RUNDC3B: variants seen among roughly 807,000 people sequenced by gnomAD.
The protein encoded by RUNDC3B is RUN domain-containing protein 3B.
RUNDC3B carries 33 observed loss-of-function variants against 58.4 expected under a neutral mutation model. That is an observed-to-expected ratio of 0.56 (90% CI 0.43 to 0.75). The LOEUF (loss-of-function observed/expected upper bound fraction) is 0.75, where lower values mean the gene tolerates loss of function less well. Ranked by LOEUF, RUNDC3B falls within the 30% of genes least tolerant of loss-of-function variation. The pLI is 0.00. For synonymous variants in RUNDC3B, 193 were observed against 195.2 expected, an observed-to-expected ratio of 0.99 and a Z score of 0.10; for missense variants, 501 against 535.7, an observed-to-expected ratio of 0.94 and a Z score of 0.64.
intron 2 of RUNDC3B, among the ~76,000 whole-genome samples, chr7:87,652,664 A>G (rs1823702769): frequency 1.3e-5 from 2 of 148,216 alleles, no homozygotes; most frequent in Admixed American, 1.3e-4. Flanking sequence ...GTATGAAATA[A>G]TCTGTAACTT....
intron 1 of RUNDC3B, among the ~76,000 whole-genome samples, chr7:87,646,455 A>G (rs1823012566): frequency 6.6e-6 from 1 of 152,152 alleles, no homozygotes; most frequent in Non-Finnish European, 1.5e-5. Context: ...GTTTTCAAAT[A>G]TAAGTTTTGG....
chr7:87,775,675 TA>T (rs1424207171), intron 7 of RUNDC3B, among the ~76,000 whole-genome samples: 1 of 152,060 alleles, frequency 6.6e-6, no homozygotes, highest in Admixed American at 6.6e-5. Context: ...GTGCCTTTTT[TA>T]AAAAAAATCT....
At chr7:87,790,768 C>A (rs772533711) in intron 8 of RUNDC3B, among the ~76,000 whole-genome samples, 3 of 151,800 alleles carry the variant, frequency 2.0e-5, no homozygotes, top group Admixed American at 2.0e-4. Flanking sequence ...AACTCAAAGA[C>A]AGGCTATTTG....
At chr7:87,656,275 A>G (rs1173966690) in intron 2 of RUNDC3B, among the ~76,000 whole-genome samples, 3 of 152,084 alleles carry the variant, frequency 2.0e-5, no homozygotes, top group South Asian at 2.1e-4. Flanking sequence ...AATAATTTTT[A>G]AAAAGAAAAA....
chr7:87,743,113 CA>C (rs111300265), intron 6 of RUNDC3B, among the ~76,000 whole-genome samples: 5,083 of 110,780 alleles, frequency 0.046, 261 homozygotes, highest in African/African-American at 0.15. Flanking sequence ...GATTCCGTCT[CA>C]AAAAAAAAAA....
intron 3 of RUNDC3B, among the ~76,000 whole-genome samples, chr7:87,702,179 T>C (rs981560927): frequency 1.6e-5 from 2 of 126,908 alleles, no homozygotes; most frequent in Admixed American, 7.9e-5. Flanking sequence ...AAAACAGAGA[T>C]ACTTTTCTCA....
chr7:87,775,552 A>G (rs1834573992), intron 7 of RUNDC3B, among the ~76,000 whole-genome samples: 1 of 152,218 alleles, frequency 6.6e-6, no homozygotes, highest in South Asian at 2.1e-4. Context: ...TAAAGTCTAC[A>G]GTAGTGTACA....
intron 2 of RUNDC3B, among the ~76,000 whole-genome samples, chr7:87,696,130 T>C (rs914022073): frequency 2.5e-4 from 38 of 152,152 alleles, no homozygotes; most frequent in African/African-American, 8.4e-4. Context: ...TACTTATAAT[T>C]GAAAGCATAT....
rs575083955 is a variant in RUNDC3B, at chr7:87,679,424, T to G, written c.239-20997T>G. 9.2e-4 allele frequency among the ~76,000 whole-genome samples: 138 copies of G among 149,784 alleles called. 7 individuals carry two copies. The highest frequency in any genetic ancestry group is 3.4e-3 in the African/African-American group (135 of 40,238). Reference sequence around the variant, plus strand: ...TTTTTTTTAAGACAGGATCTCACCCTGTCACCCAGGTTGGAGTGCAATGGC... The same window carrying G: ...TTTTTTTTAAGACAGGATCTCACCCGGTCACCCAGGTTGGAGTGCAATGGC... On this transcript the variant is annotated intron_variant, in intron 2 of 10. Transcript: ENST00000394654.
At chr7:87,812,202 T>C (rs1456482939) in intron 9 of RUNDC3B, among the ~76,000 whole-genome samples, 1 of 152,214 alleles carries the variant, frequency 6.6e-6, no homozygotes, top group African/African-American at 2.4e-5. Context: ...ATATCCAATC[T>C]CATGTATAGA....
chr7:87,685,949 A>T (rs1290280624), intron 2 of RUNDC3B, among the ~76,000 whole-genome samples: 1 of 152,198 alleles, frequency 6.6e-6, no homozygotes, highest in Non-Finnish European at 1.5e-5. Context: ...ACAATTTGTC[A>T]CAGAGCCCAG....
intron 10 of RUNDC3B, among the ~76,000 whole-genome samples, chr7:87,823,218 G>A (rs1445703465): frequency 2.6e-5 from 4 of 151,860 alleles, no homozygotes; most frequent in Non-Finnish European, 4.4e-5. Context: ...GATGATTTAT[G>A]TCCATTTCTA....
chr7:87,644,511 A>G (rs543453387), intron 1 of RUNDC3B, among the ~76,000 whole-genome samples: 11 of 152,338 alleles, frequency 7.2e-5, no homozygotes, highest in South Asian at 6.2e-4. Context: ...CATCACTCTT[A>G]TTAATGACTT....
intron 2 of RUNDC3B, chr7:87,659,320 G>A: frequency 3.3e-6 from 1 of 299,444 alleles, no homozygotes; most frequent in South Asian, 3.0e-5. Context: ...TCTTCTAGGG[G>A]GCTGTTTGAA....
chr7:87,662,510 G>T (rs138334444), intron 2 of RUNDC3B, among the ~76,000 whole-genome samples: 1 of 152,006 alleles, frequency 6.6e-6, no homozygotes, highest in Non-Finnish European at 1.5e-5. Context: ...TGAAGAGACT[G>T]TCCTTTCCCC....
At chr7:87,705,787 T>C (rs986077866) in intron 3 of RUNDC3B, among the ~76,000 whole-genome samples, 1 of 152,180 alleles carries the variant, frequency 6.6e-6, no homozygotes, top group Non-Finnish European at 1.5e-5. Context: ...CTTATAAACA[T>C]ATTATATGAT....
At chr7:87,651,081 G>A (rs959069008) in intron 2 of RUNDC3B, 144 bp downstream of exon 2, 4 of 581,830 alleles carry the variant, frequency 6.9e-6, no homozygotes, top group East Asian at 5.9e-5. Context: ...GTGTGACTAC[G>A]AAAGAGCCTC....
chr7:87,729,743 G>C (rs137873549), intron 4 of RUNDC3B, among the ~76,000 whole-genome samples: 2 of 152,306 alleles, frequency 1.3e-5, no homozygotes, highest in East Asian at 3.9e-4. Flanking sequence ...ACACCAGCTA[G>C]TGCAGCCAAG....
At chr7:87,723,347 A>T (rs1183157396) in intron 4 of RUNDC3B, among the ~76,000 whole-genome samples, 1 of 152,190 alleles carries the variant, frequency 6.6e-6, no homozygotes, top group African/African-American at 2.4e-5. Context: ...GTTAATTTTT[A>T]AAAATGTAGA....
Sources: gnomAD v4.1 joint callset for allele counts (sites outside exome capture counted in the v4.1 genomes callset) on GRCh38, gnomAD v4.1.1 for gene constraint, MANE v1.5 for transcripts, NCBI Gene and HGNC (gene_info 2026-07-23, HGNC 2026-07-21) for gene names.